NCOR1: variants seen among roughly 807,000 people sequenced by gnomAD.
NCOR1 encodes the protein protein phosphatase 1, regulatory subunit 109.
Under a neutral mutation model 288.1 loss-of-function variants are expected in NCOR1, and 63 were observed. The observed-to-expected ratio is 0.22, with a 90% CI of 0.18 to 0.27. The LOEUF (loss-of-function observed/expected upper bound fraction) is 0.27. NCOR1 is among the 10% of genes least tolerant of loss of function. The pLI, the probability that NCOR1 is intolerant of heterozygous loss-of-function variation, is 1.00. For synonymous variants in NCOR1, 1,007 were observed against 1,065.9 expected, an observed-to-expected ratio of 0.94 and a Z score of 1.08; for missense variants, 2,397 against 3,019.2, an observed-to-expected ratio of 0.79 and a Z score of 4.83.
chr17:16,124,900 A>C (rs1206147082), intron 15 of NCOR1, among the ~76,000 whole-genome samples: 2 of 152,216 alleles, frequency 1.3e-5, no homozygotes, highest in Non-Finnish European at 2.9e-5. Context: ...ATCAAAAATT[A>C]AATTACATTC....
intron 21 of NCOR1, among the ~76,000 whole-genome samples, chr17:16,097,803 G>C: frequency 6.6e-6 from 1 of 152,332 alleles, no homozygotes; most frequent in African/African-American, 2.4e-5. Context: ...AGTCAGAAGC[G>C]TGAGTAACCT....
intron 21 of NCOR1, among the ~76,000 whole-genome samples, chr17:16,095,136 C>T (rs988985442): frequency 2.0e-5 from 3 of 151,858 alleles, no homozygotes; most frequent in African/African-American, 7.3e-5. Flanking sequence ...CTCTTCCCGG[C>T]CGCCATCCCA....
intron 4 of NCOR1, among the ~76,000 whole-genome samples, chr17:16,169,375 T>C (rs2082681402): frequency 6.6e-6 from 1 of 152,226 alleles, no homozygotes; most frequent in African/African-American, 2.4e-5. Flanking sequence ...AACTTTTAAA[T>C]GGTAAACTGT....
chr17:16,153,424 T>A, intron 6 of NCOR1, 29 bp from the exon 7 acceptor site: 1 of 1,434,566 alleles, frequency 7.0e-7, no homozygotes, highest in Non-Finnish European at 9.6e-7. Context: ...TTGTATCATA[T>A]AATTAAAAAT....
At chr17:16,136,889 G>T (rs1270440647) in intron 14 of NCOR1, among the ~76,000 whole-genome samples, 1 of 151,266 alleles carries the variant, frequency 6.6e-6, no homozygotes. Context: ...ACAAAATCAG[G>T]TTCCAGGTTT....
intron 30 of NCOR1, 151 bp downstream of exon 30, chr17:16,071,258 C>T: frequency 8.4e-7 from 1 of 1,187,280 alleles, no homozygotes; most frequent in South Asian, 1.6e-5. Flanking sequence ...CAGCCTGGTC[C>T]ACAGAGGAAA....
At chr17:16,097,417 C>T (rs2066839767) in intron 21 of NCOR1, among the ~76,000 whole-genome samples, 2 of 152,356 alleles carry the variant, frequency 1.3e-5, no homozygotes, top group Non-Finnish European at 1.5e-5. Flanking sequence ...ATCCAGCTCA[C>T]CCCACCCCCA....
At chr17:16,034,362 G>C (rs1244085692) in intron 45 of NCOR1, among the ~76,000 whole-genome samples, 1 of 152,154 alleles carries the variant, frequency 6.6e-6, no homozygotes, top group Non-Finnish European at 1.5e-5. Context: ...TGAGGCCAAG[G>C]CAGGAGGAAT....
chr17:16,096,055 G>A (rs1228652502), intron 21 of NCOR1, among the ~76,000 whole-genome samples: 2 of 152,102 alleles, frequency 1.3e-5, no homozygotes, highest in Non-Finnish European at 2.9e-5. Flanking sequence ...TGAAACATGT[G>A]CTGTGTCCAC....
At chr17:16,085,787 C>T (rs888191841) in intron 23 of NCOR1, among the ~76,000 whole-genome samples, 1 of 152,166 alleles carries the variant, frequency 6.6e-6, no homozygotes, top group Non-Finnish European at 1.5e-5. Context: ...AGGGGTGTGA[C>T]CACTGATGTA....
chr17:16,148,750 A>C (rs1173933194), intron 9 of NCOR1, among the ~76,000 whole-genome samples: 1 of 150,798 alleles, frequency 6.6e-6, no homozygotes, highest in African/African-American at 2.4e-5. Context: ...AGAACATTAG[A>C]CGTTTTCCAC....
At chr17:16,101,880 G>C in intron 19 of NCOR1, 123 bp from the exon 20 acceptor site, 1 of 1,263,928 alleles carries the variant, frequency 7.9e-7, no homozygotes, top group Non-Finnish European at 1.1e-6. Context: ...ATGTTTGAAA[G>C]TAGTTGTTTA....
At chr17:16,140,431 A>G (rs2076986022) in intron 11 of NCOR1, among the ~76,000 whole-genome samples, 1 of 152,210 alleles carries the variant, frequency 6.6e-6, no homozygotes, top group Admixed American at 6.5e-5. Context: ...TTGGAGGCCA[A>G]GGCAGAAGGA....
chr17:16,214,147 A>G (rs1471881964), intron 1 of NCOR1, among the ~76,000 whole-genome samples: 1 of 152,224 alleles, frequency 6.6e-6, no homozygotes, highest in African/African-American at 2.4e-5. Flanking sequence ...TCTAAATAAC[A>G]TTCTAAAATT....
intron 10 of NCOR1, among the ~76,000 whole-genome samples, chr17:16,145,562 G>A (rs370484030): frequency 4.7e-5 from 7 of 149,836 alleles, no homozygotes; most frequent in African/African-American, 1.7e-4. Flanking sequence ...CCCTGTCTGG[G>A]AGGTGATGAG....
intron 8 of NCOR1, chr17:16,151,668 A>G (rs1301667631): frequency 7.3e-7 from 1 of 1,364,854 alleles, no homozygotes; most frequent in Non-Finnish European, 9.8e-7. Context: ...AAGGTAAGCC[A>G]TTTCAATGTT....
chr17:16,120,412 T>A (rs1420416871), intron 16 of NCOR1, among the ~76,000 whole-genome samples: 2 of 152,006 alleles, frequency 1.3e-5, no homozygotes, highest in Non-Finnish European at 2.9e-5. Context: ...TCTTTCCTCC[T>A]CCTATCTAGT....
chr17:16,066,131 T>C (rs2152683300), intron 32 of NCOR1, among the ~76,000 whole-genome samples: 1 of 152,300 alleles, frequency 6.6e-6, no homozygotes, highest in Admixed American at 6.5e-5. Flanking sequence ...CTATAAGCAT[T>C]TAATTAGTCC....
At chr17:16,145,696 G>A (rs2077852182) in intron 10 of NCOR1, among the ~76,000 whole-genome samples, 1 of 151,790 alleles carries the variant, frequency 6.6e-6, no homozygotes, top group South Asian at 2.1e-4. Context: ...CGCCCAGCCA[G>A]CCGCCCAGTC....
Sources: gnomAD v4.1 joint callset for allele counts (sites outside exome capture counted in the v4.1 genomes callset) on GRCh38, gnomAD v4.1.1 for gene constraint, MANE v1.5 for transcripts, NCBI Gene and HGNC (gene_info 2026-07-23, HGNC 2026-07-21) for gene names.